The following ENTREP2 variants were observed in gnomAD, a reference collection of about 807,000 sequenced individuals.
ENTREP2 encodes protein ENTREP2.
chr15:29,445,383 G>A, the ENTREP2 span, among the ~76,000 whole-genome samples: 8 of 152,210 alleles, frequency 5.3e-5, no homozygotes, highest in Non-Finnish European at 8.8e-5. Context: ...TGATTAGAGC[G>A]TTGGAACTTT....
chr15:29,333,484 C>T, the ENTREP2 span, among the ~76,000 whole-genome samples: 1 of 152,146 alleles, frequency 6.6e-6, no homozygotes, highest in Non-Finnish European at 1.5e-5. Flanking sequence ...TACCCACTCC[C>T]TGTGCACACA....
the ENTREP2 span, among the ~76,000 whole-genome samples, chr15:29,153,526 C>G: frequency 2.6e-5 from 4 of 152,190 alleles, no homozygotes; most frequent in Non-Finnish European, 5.9e-5. Flanking sequence ...AATCTACCCT[C>G]ATGACCTAAC....
chr15:29,163,571 G>A, the ENTREP2 span, among the ~76,000 whole-genome samples: 2 of 152,026 alleles, frequency 1.3e-5, no homozygotes. Context: ...GAAATTCAGA[G>A]CTCAAAGACA....
At chr15:29,343,542 T>A in the ENTREP2 span, among the ~76,000 whole-genome samples, 1 of 151,610 alleles carries the variant, frequency 6.6e-6, no homozygotes, top group East Asian at 1.9e-4. Flanking sequence ...CACAATCAGG[T>A]GAGTCCATTC....
the ENTREP2 span, among the ~76,000 whole-genome samples, chr15:29,471,664 T>C: frequency 3.3e-5 from 5 of 152,176 alleles, no homozygotes; most frequent in East Asian, 1.9e-4. Context: ...AATGCACGCA[T>C]ACACCGGGGT....
the ENTREP2 span, among the ~76,000 whole-genome samples, chr15:29,657,098 A>G: frequency 6.6e-6 from 1 of 152,048 alleles, no homozygotes; most frequent in South Asian, 2.1e-4. Flanking sequence ...CTCACGCCAG[A>G]GGGCAGTGGC....
chr15:29,516,456 T>G, the ENTREP2 span, among the ~76,000 whole-genome samples: 2 of 152,124 alleles, frequency 1.3e-5, no homozygotes, highest in Admixed American at 6.5e-5. Flanking sequence ...AACAATACAA[T>G]ATCATGTCTA....
chr15:29,406,112 T>C, the ENTREP2 span, among the ~76,000 whole-genome samples: 1 of 152,222 alleles, frequency 6.6e-6, no homozygotes, highest in African/African-American at 2.4e-5. Flanking sequence ...TAATGTGTCA[T>C]GATCATGATG....
the ENTREP2 span, among the ~76,000 whole-genome samples, chr15:29,284,070 G>A: frequency 1.3e-5 from 2 of 152,158 alleles, no homozygotes; most frequent in African/African-American, 2.4e-5. Flanking sequence ...AATAATAGGA[G>A]TTGAGGGAGA....
chr15:29,624,871 T>G, the ENTREP2 span, among the ~76,000 whole-genome samples: 15 of 143,718 alleles, frequency 1.0e-4, no homozygotes, highest in Admixed American at 3.5e-4. Context: ...CTGCATTAAT[T>G]TGTGTGTGTG....
chr15:29,542,509 T>C, the ENTREP2 span, among the ~76,000 whole-genome samples: 1 of 151,506 alleles, frequency 6.6e-6, no homozygotes, highest in Non-Finnish European at 1.5e-5. Context: ...TTTCACTGTG[T>C]TAGCCAGGAC....
chr15:29,404,194 G>A, the ENTREP2 span, among the ~76,000 whole-genome samples: 3 of 151,992 alleles, frequency 2.0e-5, no homozygotes, highest in Admixed American at 6.6e-5. Context: ...TGATAGCCCC[G>A]GTGAAAAGAC....
the ENTREP2 span, among the ~76,000 whole-genome samples, chr15:29,490,454 A>AC: frequency 6.6e-6 from 1 of 151,920 alleles, no homozygotes; most frequent in Non-Finnish European, 1.5e-5. Context: ...CCCTTGTCTG[A>AC]CCCCACCCAC....
At chr15:29,300,433 G>T in the ENTREP2 span, among the ~76,000 whole-genome samples, 1 of 146,778 alleles carries the variant, frequency 6.8e-6, no homozygotes, top group Admixed American at 6.6e-5. Flanking sequence ...ATGGATGGAT[G>T]AGTGGATGGG....
chr15:29,347,916 T>C, the ENTREP2 span, among the ~76,000 whole-genome samples: 1 of 152,186 alleles, frequency 6.6e-6, no homozygotes, highest in African/African-American at 2.4e-5. Context: ...AGCCTTGTAT[T>C]GGGAGACCAA....
chr15:29,669,966 G>T, the ENTREP2 span, among the ~76,000 whole-genome samples: 4 of 152,180 alleles, frequency 2.6e-5, no homozygotes, highest in Non-Finnish European at 4.4e-5. Flanking sequence ...TGACACTCCA[G>T]CCTGTCCCTG....
At chr15:29,304,775 T>G in the ENTREP2 span, among the ~76,000 whole-genome samples, 1 of 152,236 alleles carries the variant, frequency 6.6e-6, no homozygotes, top group South Asian at 2.1e-4. Context: ...CACTGCTCAC[T>G]TCCCTCTAGC....
At chr15:29,286,002 A>AT in the ENTREP2 span, among the ~76,000 whole-genome samples, 11 of 152,276 alleles carry the variant, frequency 7.2e-5, no homozygotes, top group African/African-American at 1.9e-4. Flanking sequence ...TTTATTCATG[A>AT]TTTTTTTTAA....
At chr15:29,308,564 A>C in the ENTREP2 span, among the ~76,000 whole-genome samples, 1 of 152,062 alleles carries the variant, frequency 6.6e-6, no homozygotes, top group Non-Finnish European at 1.5e-5. Context: ...CGCTCACTGC[A>C]TTTCCTCCCA....
Sources: gnomAD v4.1 joint callset for allele counts (sites outside exome capture counted in the v4.1 genomes callset) on GRCh38, gnomAD v4.1.1 for gene constraint, MANE v1.5 for transcripts, NCBI Gene and HGNC (gene_info 2026-07-23, HGNC 2026-07-21) for gene names.